ENTPD1: variants seen among roughly 807,000 people sequenced by gnomAD.
ENTPD1 encodes the protein ATP diphosphohydrolase.
ENTPD1 carries 33 observed loss-of-function variants against 57.0 expected under a neutral mutation model. The observed-to-expected ratio is 0.58, with a 90% CI of 0.44 to 0.77. The LOEUF (loss-of-function observed/expected upper bound fraction) is 0.77, where lower values mean the gene tolerates loss of function less well. Ranked by LOEUF, ENTPD1 falls within the 30% of genes least tolerant of loss-of-function variation. ENTPD1 has a pLI of 0.00. For synonymous variants in ENTPD1, 202 were observed against 218.8 expected, an observed-to-expected ratio of 0.92 and a Z score of 0.68; for missense variants, 501 against 603.4, an observed-to-expected ratio of 0.83 and a Z score of 1.78.
intron 2 of ENTPD1, among the ~76,000 whole-genome samples, chr10:95,836,180 T>C (rs2098409189): frequency 1.3e-5 from 2 of 152,240 alleles, no homozygotes; most frequent in African/African-American, 4.8e-5. Flanking sequence ...TCCATTGATC[T>C]ATGTATCTAT....
chr10:95,852,946 A>G (rs555272799), intron 7 of ENTPD1, among the ~76,000 whole-genome samples: 1 of 152,146 alleles, frequency 6.6e-6, no homozygotes, highest in South Asian at 2.1e-4. Flanking sequence ...ACTTTAAAGT[A>G]TTTTTTTCCA....
chr10:95,808,741 T>C (rs2098283328), intron 1 of ENTPD1, among the ~76,000 whole-genome samples: 2 of 152,146 alleles, frequency 1.3e-5, no homozygotes, highest in Non-Finnish European at 2.9e-5. Flanking sequence ...TTTAATAATT[T>C]TGTTGATCAT....
chr10:95,718,534 T>C (rs1319875337), intron 1 of ENTPD1, among the ~76,000 whole-genome samples: 1 of 152,180 alleles, frequency 6.6e-6, no homozygotes, highest in African/African-American at 2.4e-5. Flanking sequence ...TTCCTGATGT[T>C]TGATAGGTGT....
chr10:95,795,562 G>C (rs1290944186), intron 1 of ENTPD1, among the ~76,000 whole-genome samples: 1 of 152,060 alleles, frequency 6.6e-6, no homozygotes, highest in Non-Finnish European at 1.5e-5. Context: ...AAGACCATGG[G>C]GTCCGGTGAG....
At chr10:95,755,891 T>G, upstream of ENTPD1, 3 of 1,519,528 alleles carry the variant, frequency 2.0e-6, no homozygotes, top group Admixed American at 2.0e-5. Flanking sequence ...GAGAGAGAGA[T>G]GAAGAGGGAG....
intron 1 of ENTPD1, among the ~76,000 whole-genome samples, chr10:95,766,087 A>G (rs2098087216): frequency 6.6e-6 from 1 of 152,192 alleles, no homozygotes; most frequent in Non-Finnish European, 1.5e-5. Flanking sequence ...AGCATTTCAC[A>G]AGTATTCACC....
intron 2 of ENTPD1, among the ~76,000 whole-genome samples, chr10:95,835,302 G>A (rs903284563): frequency 6.6e-6 from 1 of 152,134 alleles, no homozygotes; most frequent in Non-Finnish European, 1.5e-5. Context: ...AGTATTCCAT[G>A]GTGCATATGT....
chr10:95,704,459 A>G, the ENTPD1 span, among the ~76,000 whole-genome samples: 1 of 152,214 alleles, frequency 6.6e-6, no homozygotes, highest in Non-Finnish European at 1.5e-5. Context: ...AAATAGATCA[A>G]TGGAAAAGAA....
the ENTPD1 span, among the ~76,000 whole-genome samples, chr10:95,695,449 A>G: frequency 4.6e-5 from 7 of 152,236 alleles, no homozygotes; most frequent in African/African-American, 1.7e-4. Flanking sequence ...ACCTCCCTTT[A>G]CAAGTGAATC....
chr10:95,820,219 C>G (rs1290411135), intron 1 of ENTPD1, among the ~76,000 whole-genome samples: 3 of 152,178 alleles, frequency 2.0e-5, no homozygotes, highest in Non-Finnish European at 4.4e-5. Context: ...AATTACTGCT[C>G]TCTGGGTAAT....
intron 8 of ENTPD1, among the ~76,000 whole-genome samples, chr10:95,863,045 G>A (rs748642911): frequency 2.0e-5 from 3 of 152,196 alleles, no homozygotes; most frequent in Admixed American, 6.5e-5. Flanking sequence ...AATTTGGAGA[G>A]CACATAGTGA....
intron 1 of ENTPD1, among the ~76,000 whole-genome samples, chr10:95,763,078 G>GTATT (rs1053457898): frequency 2.2e-4 from 33 of 151,692 alleles, no homozygotes; most frequent in South Asian, 8.3e-4. Flanking sequence ...TAGTTTTTCT[G>GTATT]TATTTATTTA....
At chr10:95,806,729 C>A (rs781131378) in intron 1 of ENTPD1, among the ~76,000 whole-genome samples, 10 of 152,140 alleles carry the variant, frequency 6.6e-5, no homozygotes, top group African/African-American at 2.4e-4. Context: ...GTTAGTTTTC[C>A]TTCTAACAGT....
intron 1 of ENTPD1, among the ~76,000 whole-genome samples, chr10:95,808,003 CAAGG>C (rs1310924439): frequency 6.6e-6 from 1 of 152,164 alleles, no homozygotes; most frequent in Admixed American, 6.5e-5. Flanking sequence ...TGCCAGTTTT[CAAGG>C]GGAATGCTTC....
At chr10:95,737,514 A>G (rs916678753) in intron 1 of ENTPD1, among the ~76,000 whole-genome samples, 2 of 151,728 alleles carry the variant, frequency 1.3e-5, no homozygotes, top group Non-Finnish European at 2.9e-5. Context: ...CCTCCTGAGT[A>G]GCTGGGATTA....
chr10:95,853,190 G>A (rs2098448481), intron 7 of ENTPD1, among the ~76,000 whole-genome samples: 1 of 152,178 alleles, frequency 6.6e-6, no homozygotes, highest in African/African-American at 2.4e-5. Flanking sequence ...TCTCTTTGAA[G>A]CAATTGTGAA....
rs140627902 is a variant in ENTPD1, at chr10:95,757,780, G to A, written c.16+1525G>A. ...AGCACTTTGGGAGGCCGAGGTGGGC[G>A]GATCACCTGAGGTCAGGAGTTCGAG... On this transcript the variant is annotated intron_variant, in intron 1 of 9. Transcript: ENST00000371205. Among the ~76,000 whole-genome samples, 1,070 of 151,920 alleles carry A rather than the reference G, an allele frequency of 7.0e-3. 13 individuals carry two copies. The highest frequency in any genetic ancestry group is 0.024 in the African/African-American group (1,004 of 41,408).
At chr10:95,845,298 T>C (rs1042604355) in intron 5 of ENTPD1, 59 bp from the exon 6 acceptor site, 17 of 1,611,960 alleles carry the variant, frequency 1.1e-5, no homozygotes, top group Non-Finnish European at 1.3e-5. Context: ...CTCCAATAGA[T>C]ACTATGAAAA....
At position 95,872,020 on chromosome 10, in the gene ENTPD1, G is replaced by A. The variant is rs2098481018; in HGVS notation, c.*5637G>A. On this transcript the variant is annotated 3_prime_UTR_variant, in exon 10 of 10. Coordinates refer to ENST00000371205, the MANE Select transcript of ENTPD1 (RefSeq NM_001776.6). ...GTTTTACATGATTAATGCCACCCCT[G>A]CCTCAATGAACCAAGATCAGCTCCA... The A allele has an allele frequency of 7.1e-6, 7 of 985,210 alleles. No individual in the cohort carries two copies. Among genetic ancestry groups the A allele is most frequent in the Non-Finnish European group, 2.4e-6 (2 of 829,914 alleles). 61.0% of individuals were successfully genotyped at this position (985,210 alleles called of 1,614,324 possible). A position where few individuals can be genotyped will look rare whatever the true frequency, so the allele number is the denominator to read the frequency against.
Sources: allele counts gnomAD v4.1 joint callset (sites outside exome capture counted in the v4.1 genomes callset), GRCh38; gene constraint gnomAD v4.1.1; transcripts MANE v1.5; gene names NCBI Gene and HGNC (gene_info 2026-07-23, HGNC 2026-07-21).